The following CCDC85C variants were observed in gnomAD, a reference collection of about 807,000 sequenced individuals.
CCDC85C encodes the protein coiled-coil domain-containing protein 85C.
A neutral mutation model predicts 38.3 loss-of-function variants in CCDC85C; 18 were observed. The ratio of observed to expected loss-of-function variants is 0.47; its 90% confidence interval spans 0.33 to 0.70. The LOEUF is 0.70. Ranked by LOEUF, CCDC85C falls within the 30% of genes least tolerant of loss-of-function variation. CCDC85C has a pLI of 0.03. For missense variants in CCDC85C, 566 were observed against 621.2 expected (o/e 0.91, Z 0.94); for synonymous variants, 264 against 293.8 (o/e 0.90, Z 1.04).
Position 99,507,019 on chromosome 14 carries a change from C to A in CCDC85C, c.*8227G>T. On this transcript the variant is annotated 3_prime_UTR_variant, in exon 6 of 6. Coordinates refer to ENST00000380243, the MANE Select transcript of CCDC85C (RefSeq NM_001144995.2). The stretch of plus-strand genomic sequence containing the variant: ...TCTGCCAGTACATTTTTCTTTATGA[C>A]ATGCTTATTCATGTGAAGAAGTATG... 1 of 1,010,622 alleles carries A rather than the reference C, an allele frequency of 9.9e-7. No individual in the cohort carries two copies. Among genetic ancestry groups the A allele is most frequent in the Non-Finnish European group, 1.6e-6 (1 of 629,036 alleles). 62.6% of individuals were successfully genotyped at this position (1,010,622 alleles called of 1,614,324 possible). A position where few individuals can be genotyped will look rare whatever the true frequency, so the allele number is the denominator to read the frequency against.
intron 1 of CCDC85C, among the ~76,000 whole-genome samples, chr14:99,541,936 T>C (rs1897721241): frequency 6.6e-6 from 1 of 152,140 alleles, no homozygotes; most frequent in South Asian, 2.1e-4. Context: ...CAGGTCTGCC[T>C]CCCAGCCCCT....
At chr14:99,577,692 T>TGTGC (rs1898512835) in intron 1 of CCDC85C, among the ~76,000 whole-genome samples, 1 of 151,430 alleles carries the variant, frequency 6.6e-6, no homozygotes, top group African/African-American at 2.4e-5. Flanking sequence ...TGTGTGTGTG[T>TGTGC]GTGTGTACAC....
intron 3 of CCDC85C, 122 bp downstream of exon 3, chr14:99,522,011 G>T: frequency 1.4e-6 from 1 of 723,914 alleles, no homozygotes. Context: ...CGGACACAGG[G>T]CCTAGGGCTG....
intron 1 of CCDC85C, among the ~76,000 whole-genome samples, chr14:99,537,433 G>A (rs1897626089): frequency 6.6e-6 from 1 of 152,070 alleles, no homozygotes; most frequent in Admixed American, 6.5e-5. Flanking sequence ...GCATCTGTCT[G>A]CCCCCAGCAC....
intron 1 of CCDC85C, among the ~76,000 whole-genome samples, chr14:99,574,534 G>A (rs1418881898): frequency 6.6e-6 from 1 of 152,158 alleles, no homozygotes; most frequent in East Asian, 1.9e-4. Flanking sequence ...CCTTGGGCAG[G>A]GAGGCAATAA....
Position 99,572,006 on chromosome 14 carries a change from C to A in CCDC85C, c.793+31161G>T, listed in dbSNP as rs1192755319. On this transcript the variant is annotated intron_variant, in intron 1 of 5. Transcript: ENST00000380243. This position sits in a 1 kb window ranked among gnomAD's most constrained non-coding sequence, Gnocchi z 4.4. ...GGAGTGAGGCATGTGGGCCAAGGAG[C>A]TGGAGACTGCCTGCAGCAGGCACCC... 6.6e-6 allele frequency among the ~76,000 whole-genome samples: 1 copy of A among 152,186 alleles called. No individual in the cohort carries two copies. The highest frequency in any genetic ancestry group is 2.4e-5 in the African/African-American group (1 of 41,432).
chr14:99,551,903 G>A (rs905989805), intron 1 of CCDC85C, among the ~76,000 whole-genome samples: 1 of 152,168 alleles, frequency 6.6e-6, no homozygotes, highest in South Asian at 2.1e-4. Context: ...TAGCAGACAG[G>A]TGGGACCAGC....
At position 99,503,807 on chromosome 14, in the gene CCDC85C, G is replaced by A; in HGVS notation, c.*11439C>T. 1.6e-6 allele frequency: 1 copy of A among 610,098 alleles called. No homozygotes were observed. Among genetic ancestry groups the A allele is most frequent in the Non-Finnish European group, 2.9e-6 (1 of 345,540 alleles). The allele number at this position is 610,098 out of a possible 1,614,324, so 37.8% of individuals were successfully genotyped here. ...AGCATTGTCTTTCTGTTCATCACCTGATCATAGATTCTAAAATTGTGCTCT... is the reference window on the plus strand; with the variant it reads ...AGCATTGTCTTTCTGTTCATCACCTAATCATAGATTCTAAAATTGTGCTCT... On this transcript the variant is annotated 3_prime_UTR_variant, in exon 6 of 6. Transcript: ENST00000380243.
intron 1 of CCDC85C, among the ~76,000 whole-genome samples, chr14:99,564,793 T>C (rs1898183458): frequency 6.6e-6 from 1 of 152,206 alleles, no homozygotes; most frequent in Admixed American, 6.5e-5. Context: ...AAATTAAATT[T>C]TCCTTACAGA....
intron 1 of CCDC85C, among the ~76,000 whole-genome samples, chr14:99,550,677 G>A (rs139356902): frequency 2.9e-4 from 44 of 152,308 alleles, no homozygotes; most frequent in Admixed American, 6.5e-4. Context: ...GACCAGCTCC[G>A]AAAGCCCTGG....
chr14:99,550,747 A>G (rs951374953), intron 1 of CCDC85C, among the ~76,000 whole-genome samples: 2 of 152,040 alleles, frequency 1.3e-5, no homozygotes, highest in Non-Finnish European at 2.9e-5. Flanking sequence ...GACTGCTCAC[A>G]CTCTAACTGT....
intron 1 of CCDC85C, among the ~76,000 whole-genome samples, chr14:99,570,381 C>T (rs1204804786): frequency 1.3e-5 from 2 of 152,174 alleles, no homozygotes; most frequent in Non-Finnish European, 2.9e-5. Context: ...AGGTGCTGAC[C>T]TCAGACAGCT....
rs1233475021 is a variant in CCDC85C, at chr14:99,545,071, T to C, written c.794-8983A>G. ...GCTAGAGAAGAGGAAAACGAACGGC[T>C]GCCCTAATGAGAATGAAATCTCCTG... On this transcript the variant is annotated intron_variant, in intron 1 of 5. Coordinates refer to ENST00000380243, the MANE Select transcript of CCDC85C (RefSeq NM_001144995.2). The surrounding 1 kb of genome is among the most constrained non-coding windows in gnomAD (Gnocchi z 4.7). Among the ~76,000 whole-genome samples, 1 of 152,224 alleles carries C rather than the reference T, an allele frequency of 6.6e-6. No homozygotes were observed. Among genetic ancestry groups the C allele is most frequent in the Non-Finnish European group, 1.5e-5 (1 of 68,042 alleles).
At position 99,500,571 on chromosome 14, in the gene CCDC85C, C is replaced by T; in HGVS notation, c.*14675G>A. On this transcript the variant is annotated 3_prime_UTR_variant, in exon 6 of 6. Transcript: ENST00000380243. Reference sequence around the variant, plus strand: ...TTACATTACACCTCTGCTTTGTCTTCCTGTTTGAGATCTTTTCAGAATTTA... The same window carrying T: ...TTACATTACACCTCTGCTTTGTCTTTCTGTTTGAGATCTTTTCAGAATTTA... 2 of 547,022 alleles carry T rather than the reference C, an allele frequency of 3.7e-6. No individual in the cohort carries two copies. Among genetic ancestry groups the T allele is most frequent in the Non-Finnish European group, 6.4e-6 (2 of 310,428 alleles). 33.9% of individuals were successfully genotyped at this position (547,022 alleles called of 1,614,324 possible).
intron 1 of CCDC85C, among the ~76,000 whole-genome samples, chr14:99,556,720 T>A (rs1381422626): frequency 6.6e-6 from 1 of 152,126 alleles, no homozygotes; most frequent in Non-Finnish European, 1.5e-5. Context: ...TTTGTAAAAG[T>A]CTCACTATGT....
chr14:99,509,090 A>C lies in CCDC85C; in HGVS notation c.*6156T>G, dbSNP rs896260003. On this transcript the variant is annotated 3_prime_UTR_variant, in exon 6 of 6. Coordinates refer to ENST00000380243, the MANE Select transcript of CCDC85C (RefSeq NM_001144995.2). ...TCCTGCTCATGCTCGCTTTGGCAAGATCAAACGGGTTGTGTGCCAATGGCC... is the reference window on the plus strand; with the variant it reads ...TCCTGCTCATGCTCGCTTTGGCAAGCTCAAACGGGTTGTGTGCCAATGGCC... 1.3e-5 allele frequency: 2 copies of C among 152,236 alleles called. No individual in the cohort carries two copies. Among genetic ancestry groups the C allele is most frequent in the Non-Finnish European group, 2.9e-5 (2 of 68,050 alleles). The allele number at this position is 152,236 out of a possible 1,614,324, so 9.4% of individuals were successfully genotyped here. A position where few individuals can be genotyped will look rare whatever the true frequency, so the allele number is the denominator to read the frequency against.
intron 1 of CCDC85C, among the ~76,000 whole-genome samples, chr14:99,598,138 G>A (rs962043879): frequency 6.6e-6 from 1 of 152,160 alleles, no homozygotes; most frequent in Non-Finnish European, 1.5e-5. Context: ...CACATCAGGG[G>A]CTGCCACCCG....
Position 99,516,640 on chromosome 14 carries a change from T to C in CCDC85C, c.1072-354A>G, listed in dbSNP as rs1484510580. Among the ~76,000 whole-genome samples the C allele has an allele frequency of 6.6e-6, 1 of 151,924 alleles. No individual in the cohort carries two copies. The highest frequency in any genetic ancestry group is 1.9e-4 in the East Asian group (1 of 5,172). On this transcript the variant is annotated intron_variant, in intron 4 of 5. Transcript: ENST00000380243. This position sits in a 1 kb window ranked among gnomAD's most constrained non-coding sequence, Gnocchi z 5.5. ...GTGAGTAGGCGTGGCCGTGCATGCA[T>C]GTGGGATGTCATGGGGCACGTACGT...
intron 1 of CCDC85C, among the ~76,000 whole-genome samples, chr14:99,600,177 G>T (rs966986776): frequency 1.3e-5 from 2 of 152,246 alleles, no homozygotes; most frequent in African/African-American, 2.4e-5. Flanking sequence ...TTTTGAAGAG[G>T]AAACTGAGGT....
Sources: allele counts gnomAD v4.1 joint callset (sites outside exome capture counted in the v4.1 genomes callset), GRCh38; gene constraint gnomAD v4.1.1; non-coding constraint Gnocchi (gnomAD v3.1); transcripts MANE v1.5; gene names NCBI Gene and HGNC (gene_info 2026-07-23, HGNC 2026-07-21).